Variants in KCNC2 observed in about 807,000 individuals in gnomAD.
The protein encoded by KCNC2 is potassium voltage-gated channel subfamily C member 2.
Under a neutral mutation model 44.5 loss-of-function variants are expected in KCNC2, and 21 were observed. That is an observed-to-expected ratio of 0.47 (90% CI 0.33 to 0.68). KCNC2 has a LOEUF of 0.68. Among genes scored for constraint, KCNC2 ranks in the 30% least tolerant of loss-of-function variants. The pLI is 0.01. For synonymous variants in KCNC2, 391 were observed against 339.1 expected (o/e 1.15, Z -1.68); for missense variants, 589 against 826.2 (o/e 0.71, Z 3.52).
intron 2 of KCNC2, among the ~76,000 whole-genome samples, chr12:75,142,213 GCTAAC>G (rs1889705437): frequency 6.6e-6 from 1 of 152,076 alleles, no homozygotes; most frequent in South Asian, 2.1e-4. Flanking sequence ...ACTTTAAATG[GCTAAC>G]CTAAGACTTG....
chr12:75,108,050 C>T (rs17114599), intron 2 of KCNC2, among the ~76,000 whole-genome samples: 25,175 of 152,094 alleles, frequency 0.17, 2,176 homozygotes, highest in Middle Eastern at 0.25. Flanking sequence ...GGAGCTGGCA[C>T]ATTACTTCAA....
At chr12:75,138,708 C>T (rs1347012872) in intron 2 of KCNC2, among the ~76,000 whole-genome samples, 1 of 151,992 alleles carries the variant, frequency 6.6e-6, no homozygotes, top group Non-Finnish European at 1.5e-5. Flanking sequence ...GGGCTGGGCG[C>T]GGTGGCTCAT....
chr12:75,086,673 A>AT (rs1272020683), intron 2 of KCNC2, among the ~76,000 whole-genome samples: 423 of 61,214 alleles, frequency 6.9e-3, no homozygotes, highest in African/African-American at 0.035. Context: ...AAAAAAAAAA[A>AT]AAAAAAAAAT....
chr12:75,107,627 T>G (rs1271272472), intron 2 of KCNC2, among the ~76,000 whole-genome samples: 1 of 150,866 alleles, frequency 6.6e-6, no homozygotes, highest in Non-Finnish European at 1.5e-5. Flanking sequence ...TTGAATGTAT[T>G]TCTTGCAAAT....
At chr12:75,097,101 A>C (rs946158616) in intron 2 of KCNC2, among the ~76,000 whole-genome samples, 2 of 152,132 alleles carry the variant, frequency 1.3e-5, no homozygotes, top group African/African-American at 4.8e-5. Flanking sequence ...ACCACAAAAA[A>C]AATTAAAGGA....
intron 2 of KCNC2, among the ~76,000 whole-genome samples, chr12:75,154,600 C>T (rs1890631533): frequency 6.6e-6 from 1 of 151,974 alleles, no homozygotes; most frequent in Non-Finnish European, 1.5e-5. Context: ...TCCCCAATAC[C>T]ATCTGTGCTG....
intron 2 of KCNC2, among the ~76,000 whole-genome samples, chr12:75,162,187 C>T (rs1891163514): frequency 6.6e-6 from 1 of 151,742 alleles, no homozygotes; most frequent in Admixed American, 6.6e-5. Context: ...CAGGAGTTTA[C>T]TGTCTCAAGA....
At chr12:75,099,094 G>C (rs1044279299) in intron 2 of KCNC2, among the ~76,000 whole-genome samples, 1 of 152,260 alleles carries the variant, frequency 6.6e-6, no homozygotes, top group East Asian at 1.9e-4. Context: ...CATCTTAAAA[G>C]GAGTGTTGCT....
intron 4 of KCNC2, among the ~76,000 whole-genome samples, chr12:75,047,122 T>C (rs1292225102): frequency 6.6e-6 from 1 of 152,054 alleles, no homozygotes; most frequent in African/African-American, 2.4e-5. Flanking sequence ...CCATAAGACA[T>C]TATTATAGTT....
At chr12:75,064,470 A>G (rs1253321122) in intron 2 of KCNC2, among the ~76,000 whole-genome samples, 1 of 152,058 alleles carries the variant, frequency 6.6e-6, no homozygotes, top group Admixed American at 6.6e-5. Flanking sequence ...GCTGAGTATA[A>G]TGAATTCTGT....
intron 2 of KCNC2, among the ~76,000 whole-genome samples, chr12:75,087,204 C>T (rs1885101971): frequency 6.6e-6 from 1 of 152,024 alleles, no homozygotes; most frequent in Non-Finnish European, 1.5e-5. Flanking sequence ...TCACAGTTGC[C>T]TCCTTGTATT....
intron 2 of KCNC2, among the ~76,000 whole-genome samples, chr12:75,059,898 T>A (rs554801817): frequency 6.6e-6 from 1 of 152,258 alleles, no homozygotes; most frequent in African/African-American, 2.4e-5. Context: ...TCTTAAAATC[T>A]GGTAATCTCA....
intron 2 of KCNC2, among the ~76,000 whole-genome samples, chr12:75,138,289 T>TGG (rs1565884470): frequency 1.3e-5 from 2 of 152,206 alleles, no homozygotes; most frequent in Non-Finnish European, 2.9e-5. Flanking sequence ...CCACTGATTG[T>TGG]TCTCACTTTC....
Position 75,150,446 on chromosome 12 carries a change from T to C in KCNC2, c.687+56851A>G, listed in dbSNP as rs78659522. On this transcript the variant is annotated intron_variant, in intron 2 of 4. Transcript: ENST00000549446. ...TGGTGAATGACTATCAATACACAAA[T>C]TTCAAGACCACTCTTCTTTTTCTTT... 9.7e-3 allele frequency among the ~76,000 whole-genome samples: 1,479 copies of C among 151,964 alleles called. 20 individuals are homozygous for C. The highest frequency in any genetic ancestry group is 0.034 in the African/African-American group (1,402 of 41,538).
At chr12:75,185,910 G>A (rs926850950) in intron 2 of KCNC2, among the ~76,000 whole-genome samples, 3 of 151,862 alleles carry the variant, frequency 2.0e-5, no homozygotes, top group Non-Finnish European at 4.4e-5. Flanking sequence ...GCCGGTCATG[G>A]TGGCAGGTGC....
chr12:75,174,247 TA>T (rs750453900), intron 2 of KCNC2, among the ~76,000 whole-genome samples: 5 of 151,858 alleles, frequency 3.3e-5, no homozygotes, highest in Admixed American at 6.6e-5. Flanking sequence ...TTAAGTTTGT[TA>T]TTTTTTTAAA....
rs1417411987 is a variant in KCNC2 at position 75,042,405 on chromosome 12, C to T, written c.*700G>A. On this transcript the variant is annotated 3_prime_UTR_variant, in exon 5 of 5. Transcript: ENST00000549446. ...TGCAAACAACCAGAGACATTCAGAA[C>T]TCCAATACAGCATTTTTGAAGAAAA... The T allele has an allele frequency of 5.0e-6, 8 of 1,600,326 alleles. No homozygotes were observed. Among genetic ancestry groups the T allele is most frequent in the Non-Finnish European group, 6.8e-6 (8 of 1,172,928 alleles).
At chr12:75,059,057 G>A (rs891458993) in intron 2 of KCNC2, among the ~76,000 whole-genome samples, 1 of 151,990 alleles carries the variant, frequency 6.6e-6, no homozygotes, top group African/African-American at 2.4e-5. Flanking sequence ...TGTGTCTGAG[G>A]AGCACTTTTA....
intron 2 of KCNC2, among the ~76,000 whole-genome samples, chr12:75,061,058 G>T (rs1041351786): frequency 2.6e-5 from 4 of 151,992 alleles, no homozygotes; most frequent in African/African-American, 9.7e-5. Context: ...CCTCATTTCT[G>T]TAATATTTGA....
Sources: allele counts gnomAD v4.1 joint callset (sites outside exome capture counted in the v4.1 genomes callset), GRCh38; gene constraint gnomAD v4.1.1; transcripts MANE v1.5; gene names NCBI Gene and HGNC (gene_info 2026-07-23, HGNC 2026-07-21).